CLEC1A: variants seen among roughly 807,000 people sequenced by gnomAD.
CLEC1A encodes C-type lectin domain family 1 member A.
Under a neutral mutation model 28.7 loss-of-function variants are expected in CLEC1A, and 34 were observed. That is an observed-to-expected ratio of 1.18 (90% CI 0.90 to 1.57). The LOEUF is 1.57. Among genes scored for constraint, CLEC1A ranks in the 40% most tolerant of loss-of-function variants. CLEC1A has a pLI of 0.00. For missense variants in CLEC1A, 385 were observed against 339.5 expected (o/e 1.13, Z -1.05); for synonymous variants, 116 against 121.0 (o/e 0.96, Z 0.27).
Position 10,098,804 on chromosome 12 carries a change from G to T in CLEC1A, c.115+4C>A. ...GTCTATTTGGACTCCAGGAGACAGG[G>T]TACCTGTGCGCCGGGGCTCTGGATG... On this transcript the variant is annotated splice_donor_region_variant and intron_variant, in intron 1 of 5. Transcript: ENST00000315330. 1.2e-6 allele frequency: 2 copies of T among 1,605,166 alleles called. No homozygotes were observed. The highest frequency in any genetic ancestry group is 1.7e-6 in the Non-Finnish European group (2 of 1,173,338).
intron 4 of CLEC1A, among the ~76,000 whole-genome samples, chr12:10,075,283 T>C (rs1428932498): frequency 1.3e-5 from 2 of 152,178 alleles, no homozygotes; most frequent in Admixed American, 6.5e-5. Context: ...TTTAAAGTGA[T>C]ATTGCTCATC....
intron 1 of CLEC1A, among the ~76,000 whole-genome samples, chr12:10,091,545 C>T (rs1045143757): frequency 1.3e-5 from 2 of 151,802 alleles, no homozygotes; most frequent in Admixed American, 6.6e-5. Flanking sequence ...AGATTTGCTT[C>T]CTCCTGTTTC....
At chr12:10,087,966 C>T (rs1000219364) in intron 2 of CLEC1A, among the ~76,000 whole-genome samples, 1 of 151,900 alleles carries the variant, frequency 6.6e-6, no homozygotes, top group Non-Finnish European at 1.5e-5. Flanking sequence ...TTTATGTATA[C>T]TCTCAAATGT....
chr12:10,092,477 G>C (rs956419660), intron 1 of CLEC1A: 2 of 376,552 alleles, frequency 5.3e-6, no homozygotes, highest in Admixed American at 6.0e-5. Flanking sequence ...AGCCAGGGAG[G>C]TCAAGGCTGC....
chr12:10,091,186 A>C (rs1297918882), intron 1 of CLEC1A, among the ~76,000 whole-genome samples: 1 of 152,116 alleles, frequency 6.6e-6, no homozygotes, highest in Non-Finnish European at 1.5e-5. Flanking sequence ...CTTTCTCTCC[A>C]TTTAACATTC....
Position 10,076,269 on chromosome 12 carries a change from C to A in CLEC1A, c.392-614G>T, listed in dbSNP as rs929065087. The stretch of plus-strand genomic sequence containing the variant: ...GTTTTAACCCTATGTGGATACATGA[C>A]CTTGGGTCATTTAGAGTTAGGAACC... On this transcript the variant is annotated intron_variant, in intron 3 of 5. Coordinates refer to ENST00000315330, the MANE Select transcript of CLEC1A (RefSeq NM_016511.4). 2.0e-5 allele frequency among the ~76,000 whole-genome samples: 3 copies of A among 152,158 alleles called. 1 individual carries two copies. The highest frequency in any genetic ancestry group is 4.4e-5 in the Non-Finnish European group (3 of 68,006).
In CLEC1A at chr12:10,071,357, A is replaced by G; in HGVS notation, c.819T>C (p.Pro273=). 1.2e-6 allele frequency: 2 copies of G among 1,613,476 alleles called. No individual in the cohort carries two copies. Among genetic ancestry groups the G allele is most frequent in the Non-Finnish European group, 1.7e-6 (2 of 1,179,654 alleles). ...ATCAGTCACCTTCGCCTAATGTTTC[A>G]GGGGGGACATGGAGGCTCTCTGGCT... is the stretch of plus-strand genomic sequence containing the variant. ...MVKPESLHVP[P]ETLGEGD The change falls in exon 6 of 6, where the codon CCT becomes CCC. Residue 273 remains proline (P), a synonymous_variant. Transcript: ENST00000315330.
chr12:10,075,379 G>T, intron 4 of CLEC1A, 125 bp downstream of exon 4: 1 of 920,630 alleles, frequency 1.1e-6, no homozygotes, highest in Non-Finnish European at 1.7e-6. Context: ...TAAGACTCAG[G>T]CCCTGATCGA....
chr12:10,079,521 T>C (rs575043441), intron 3 of CLEC1A, among the ~76,000 whole-genome samples: 7 of 137,046 alleles, frequency 5.1e-5, no homozygotes, highest in Admixed American at 6.9e-5. Flanking sequence ...CTCGGTTACC[T>C]TAAAAAAAAA....
At chr12:10,078,365 T>C (rs1415773964) in intron 3 of CLEC1A, among the ~76,000 whole-genome samples, 1 of 152,208 alleles carries the variant, frequency 6.6e-6, no homozygotes, top group Non-Finnish European at 1.5e-5. Context: ...AATATGCAGA[T>C]ACATTCATGT....
intron 2 of CLEC1A, among the ~76,000 whole-genome samples, chr12:10,088,495 A>AAAAGAAC (rs1866548066): frequency 6.6e-6 from 1 of 151,368 alleles, no homozygotes; most frequent in South Asian, 2.1e-4. Context: ...AAGAACAGTT[A>AAAAGAAC]TTCAGCTGTT....
At chr12:10,093,031 G>A (rs1188513551) in intron 1 of CLEC1A, among the ~76,000 whole-genome samples, 5 of 151,948 alleles carry the variant, frequency 3.3e-5, no homozygotes, top group African/African-American at 9.7e-5. Context: ...CTCCCATGAC[G>A]GAAAGTCCAT....
In CLEC1A at chr12:10,071,427, T is replaced by C. The variant is rs1461610965; in HGVS notation, c.749A>G (p.Lys250Arg). The C allele has an allele frequency of 6.2e-7, 1 of 1,614,040 alleles. No homozygotes were observed. Residue 250 changes from lysine to arginine, a missense_variant, in exon 6 of 6, where the codon AAA becomes AGA. By Grantham distance (26) the Lys-to-Arg change is conservative. Coordinates refer to ENST00000315330, the MANE Select transcript of CLEC1A (RefSeq NM_016511.4). ...LNGMIFSKDC[K>R]ELKRCVCERR... Reference sequence around the variant, plus strand: ...CTCACAGACACAACGCTTCAATTCTTTGCAGTCCTTTGAGAAGATCATCCC... The same window carrying C: ...CTCACAGACACAACGCTTCAATTCTCTGCAGTCCTTTGAGAAGATCATCCC...
chr12:10,079,271 G>C (rs1866316565), intron 3 of CLEC1A, among the ~76,000 whole-genome samples: 1 of 152,106 alleles, frequency 6.6e-6, no homozygotes, highest in African/African-American at 2.4e-5. Flanking sequence ...TCACTTCAGT[G>C]GGTGGATGGA....
chr12:10,074,862 ATC>A (rs1481244957), intron 4 of CLEC1A, among the ~76,000 whole-genome samples: 1 of 152,174 alleles, frequency 6.6e-6, no homozygotes, highest in Non-Finnish European at 1.5e-5. Flanking sequence ...ATCAAGAAAA[ATC>A]TCTGCTAAAT....
At chr12:10,071,593 T>C in intron 5 of CLEC1A, 80 bp from the exon 6 acceptor site, 1 of 1,168,920 alleles carries the variant, frequency 8.6e-7, no homozygotes, top group Non-Finnish European at 1.2e-6. Context: ...TTTCTAGAGT[T>C]ATAAAATTAT....
chr12:10,098,531 C>T (rs1591926903), intron 1 of CLEC1A, among the ~76,000 whole-genome samples: 1 of 151,996 alleles, frequency 6.6e-6, no homozygotes, highest in South Asian at 2.1e-4. Context: ...GAACCTAGTC[C>T]TGTGTATATT....
intron 1 of CLEC1A, among the ~76,000 whole-genome samples, chr12:10,097,915 T>TAA (rs11453815): frequency 5.9e-5 from 7 of 117,898 alleles, no homozygotes; most frequent in African/African-American, 1.9e-4. Flanking sequence ...GTAGTTTAGT[T>TAA]AAAAAAAAAA....
At chr12:10,098,046 A>G (rs1225498338) in intron 1 of CLEC1A, among the ~76,000 whole-genome samples, 1 of 114,812 alleles carries the variant, frequency 8.7e-6, no homozygotes, top group East Asian at 2.0e-4. Context: ...TAAAGAAATA[A>G]GGAACAGGAT....
Sources: gnomAD v4.1 joint callset for allele counts (sites outside exome capture counted in the v4.1 genomes callset) on GRCh38, gnomAD v4.1.1 for gene constraint, MANE v1.5 for transcripts, NCBI Gene and HGNC (gene_info 2026-07-23, HGNC 2026-07-21) for gene names.